Variants in LPP observed in about 807,000 individuals in gnomAD.
LPP encodes LIM domain containing preferred translocation partner in lipoma, also known as lipoma-preferred partner.
LPP carries 38 observed loss-of-function variants against 60.4 expected under a neutral mutation model. The ratio of observed to expected loss-of-function variants is 0.63; its 90% CI spans 0.49 to 0.83. LPP has a LOEUF of 0.83. LPP is among the 40% of genes least tolerant of loss of function. The pLI is 0.00. For synonymous variants in LPP, 328 were observed against 290.8 expected, an observed-to-expected ratio of 1.13 and a Z score of -1.30; for missense variants, 902 against 783.6, an observed-to-expected ratio of 1.15 and a Z score of -1.80.
At chr3:188,750,404 G>T (rs1245158525) in intron 8 of LPP, among the ~76,000 whole-genome samples, 2 of 152,160 alleles carry the variant, frequency 1.3e-5, no homozygotes, top group Non-Finnish European at 2.9e-5. Flanking sequence ...GCCGAGATGG[G>T]TGGATCACCT....
intron 2 of LPP, among the ~76,000 whole-genome samples, chr3:188,249,995 T>A (rs1040966890): frequency 6.6e-6 from 1 of 151,354 alleles, no homozygotes; most frequent in Non-Finnish European, 1.5e-5. Flanking sequence ...ATAAAAAAAA[T>A]AAAGATAGTC....
chr3:188,782,050 T>C (rs1005456973), intron 9 of LPP, among the ~76,000 whole-genome samples: 17 of 152,126 alleles, frequency 1.1e-4, no homozygotes, highest in Non-Finnish European at 4.4e-5. Context: ...AAAAAGGACA[T>C]CTTTTTACAT....
At chr3:188,643,276 G>A (rs915018017) in intron 7 of LPP, among the ~76,000 whole-genome samples, 3 of 152,144 alleles carry the variant, frequency 2.0e-5, no homozygotes, top group African/African-American at 7.2e-5. Flanking sequence ...ACTTAATTTG[G>A]TGCATTTTTA....
intron 9 of LPP, among the ~76,000 whole-genome samples, chr3:188,798,949 A>G (rs1420975583): frequency 1.3e-5 from 2 of 152,232 alleles, no homozygotes; most frequent in Non-Finnish European, 2.9e-5. Flanking sequence ...TCTTCACTTA[A>G]AAGGGTGATT....
chr3:188,410,429 C>T (rs1469736283), intron 4 of LPP, among the ~76,000 whole-genome samples: 2 of 152,192 alleles, frequency 1.3e-5, no homozygotes, highest in South Asian at 4.1e-4. Flanking sequence ...CACATGTTTT[C>T]CACATCAACT....
intron 6 of LPP, among the ~76,000 whole-genome samples, chr3:188,534,201 G>T (rs1229363563): frequency 6.6e-6 from 1 of 152,192 alleles, no homozygotes; most frequent in African/African-American, 2.4e-5. Flanking sequence ...AGCATGGGAG[G>T]GGGTTGTCTT....
intron 9 of LPP, among the ~76,000 whole-genome samples, chr3:188,782,976 T>C (rs778786341): frequency 1.3e-5 from 2 of 152,172 alleles, no homozygotes; most frequent in Non-Finnish European, 2.9e-5. Flanking sequence ...TTTCAGCTTC[T>C]GCTCTCAAAT....
chr3:188,681,464 A>G (rs939672311), intron 7 of LPP, among the ~76,000 whole-genome samples: 1 of 152,190 alleles, frequency 6.6e-6, no homozygotes, highest in Non-Finnish European at 1.5e-5. Flanking sequence ...ATAGCATTTG[A>G]TCTACCTTCT....
rs546720645 is a variant in LPP at position 188,885,702 on chromosome 3, A to G, written c.*11223A>G. ...TGGTATTTCTAGTTCTAGATCCCTGAGGAATCTCCACACTGACTTCCACAA... is the reference window on the plus strand; with the variant it reads ...TGGTATTTCTAGTTCTAGATCCCTGGGGAATCTCCACACTGACTTCCACAA... On this transcript the variant is annotated 3_prime_UTR_variant, in exon 12 of 12. Coordinates refer to ENST00000617246, the MANE Select transcript of LPP (RefSeq NM_001375462.1). The G allele has an allele frequency of 6.5e-6, 1 of 152,672 alleles. No individual in the cohort carries two copies. Among genetic ancestry groups the G allele is most frequent in the South Asian group, 2.1e-4 (1 of 4,830 alleles). The allele number at this position is 152,672 out of a possible 1,614,324, so 9.5% of individuals were successfully genotyped here.
At chr3:188,694,800 T>C (rs1862893776) in intron 7 of LPP, among the ~76,000 whole-genome samples, 2 of 152,198 alleles carry the variant, frequency 1.3e-5, no homozygotes, top group South Asian at 4.1e-4. Flanking sequence ...TGTAATATTT[T>C]TGGTTTCCAT....
chr3:188,683,868 G>A (rs1860075501), intron 7 of LPP, among the ~76,000 whole-genome samples: 1 of 152,162 alleles, frequency 6.6e-6, no homozygotes, highest in Non-Finnish European at 1.5e-5. Context: ...AACACATTAT[G>A]CATACAATTT....
intron 4 of LPP, among the ~76,000 whole-genome samples, chr3:188,479,003 C>T (rs574361143): frequency 4.3e-4 from 65 of 152,208 alleles, no homozygotes; most frequent in African/African-American, 1.2e-3. Context: ...CCGCTTGCCT[C>T]GACCTCCCAA....
At chr3:188,555,459 G>T (rs1164716919) in intron 6 of LPP, among the ~76,000 whole-genome samples, 4 of 152,108 alleles carry the variant, frequency 2.6e-5, no homozygotes, top group Non-Finnish European at 5.9e-5. Context: ...ATGATAGTTG[G>T]TTGGACTTGG....
At chr3:188,441,650 T>G (rs1316538518) in intron 4 of LPP, among the ~76,000 whole-genome samples, 4 of 133,448 alleles carry the variant, frequency 3.0e-5, no homozygotes, top group African/African-American at 1.1e-4. Flanking sequence ...AGATGGAGTC[T>G]CGCTCTGTCG....
chr3:188,496,040 G>A (rs899068928), intron 5 of LPP, among the ~76,000 whole-genome samples: 1 of 152,104 alleles, frequency 6.6e-6, no homozygotes. Flanking sequence ...TCCTTGAGGG[G>A]TTAAGCTATT....
intron 9 of LPP, among the ~76,000 whole-genome samples, chr3:188,828,248 A>G (rs1189638986): frequency 6.6e-6 from 1 of 152,010 alleles, no homozygotes; most frequent in African/African-American, 2.4e-5. Flanking sequence ...TGGGAGGGAA[A>G]AGGGAGTGCT....
chr3:188,657,061 A>G (rs1853375717), intron 7 of LPP, among the ~76,000 whole-genome samples: 2 of 152,086 alleles, frequency 1.3e-5, no homozygotes, highest in Non-Finnish European at 2.9e-5. Context: ...CTTTCCAAAT[A>G]GAGTCCACAT....
chr3:188,214,637 G>T (rs1255347905), intron 1 of LPP, among the ~76,000 whole-genome samples: 1 of 152,182 alleles, frequency 6.6e-6, no homozygotes, highest in Non-Finnish European at 1.5e-5. Context: ...GAGGGAAGTT[G>T]CACAGGACTC....
intron 5 of LPP, among the ~76,000 whole-genome samples, chr3:188,517,617 T>C (rs545163918): frequency 1.2e-4 from 18 of 152,270 alleles, no homozygotes; most frequent in Admixed American, 2.0e-4. Flanking sequence ...TCCACATGGC[T>C]GGGGAGGCCT....
Sources: allele counts gnomAD v4.1 joint callset (sites outside exome capture counted in the v4.1 genomes callset), GRCh38; gene constraint gnomAD v4.1.1; transcripts MANE v1.5; gene names NCBI Gene and HGNC (gene_info 2026-07-23, HGNC 2026-07-21).